Variants in NEO1 observed in about 807,000 individuals in gnomAD.
NEO1 encodes neogenin 1, also known as neogenin.
Under a neutral mutation model 159.7 loss-of-function variants are expected in NEO1, and 63 were observed. The ratio of observed to expected loss-of-function variants is 0.39; its 90% CI spans 0.32 to 0.49. The LOEUF is 0.49. Ranked by LOEUF, NEO1 falls within the 20% of genes least tolerant of loss-of-function variation. NEO1 has a pLI of 0.85. For synonymous variants in NEO1, 633 were observed against 662.0 expected (o/e 0.96, Z 0.67); for missense variants, 1,615 against 1,831.0 (o/e 0.88, Z 2.15).
chr15:73,207,984 T>C (rs1434959862), intron 7 of NEO1, among the ~76,000 whole-genome samples: 2 of 152,230 alleles, frequency 1.3e-5, no homozygotes. Context: ...TAAAGATATC[T>C]GAATATGTAT....
At chr15:73,057,981 A>C (rs961176265) in intron 1 of NEO1, among the ~76,000 whole-genome samples, 1 of 152,216 alleles carries the variant, frequency 6.6e-6, no homozygotes, top group African/African-American at 2.4e-5. Context: ...ACCCATAAGT[A>C]ACCCCTTTTA....
At chr15:73,106,707 C>T (rs1186226519) in intron 1 of NEO1, among the ~76,000 whole-genome samples, 1 of 152,144 alleles carries the variant, frequency 6.6e-6, no homozygotes, top group East Asian at 1.9e-4. Flanking sequence ...TGGGCAAATT[C>T]TTCATTCTCT....
rs2042719865 is a variant in NEO1, at chr15:73,304,564, G to A, written c.*1868G>A. On this transcript the variant is annotated 3_prime_UTR_variant, in exon 29 of 29. Coordinates refer to ENST00000261908, the MANE Select transcript of NEO1 (RefSeq NM_002499.4). ...GGGGGCAATGAAAGGTGCAATGCAG[G>A]AACTGCTGCTGCCGAGCTCGCTGGT... 6.6e-6 allele frequency: 1 copy of A among 152,230 alleles called. No individual in the cohort carries two copies. Among genetic ancestry groups the A allele is most frequent in the Non-Finnish European group, 1.5e-5 (1 of 68,066 alleles). The allele number at this position is 152,230 out of a possible 1,614,324, so 9.4% of individuals were successfully genotyped here. A position where few individuals can be genotyped will look rare whatever the true frequency, so the allele number is the denominator to read the frequency against.
intron 27 of NEO1, chr15:73,300,081 G>A (rs1009904855): frequency 1.3e-5 from 2 of 152,122 alleles, no homozygotes; most frequent in Admixed American, 6.5e-5. Flanking sequence ...ATCACACATC[G>A]GTCATTTAGA....
intron 23 of NEO1, among the ~76,000 whole-genome samples, chr15:73,286,913 G>A (rs2041968441): frequency 6.6e-6 from 1 of 152,124 alleles, no homozygotes; most frequent in South Asian, 2.1e-4. Flanking sequence ...TAGCATCCTA[G>A]CTGGTCTCCT....
chr15:73,170,993 A>G (rs2034922956), intron 5 of NEO1, among the ~76,000 whole-genome samples: 1 of 151,240 alleles, frequency 6.6e-6, no homozygotes, highest in South Asian at 2.2e-4. Context: ...CCTATGAAGT[A>G]GTCTCGGGGG....
chr15:73,138,764 AAAAAAAACAAAAAAAC>A (rs1249526230), intron 5 of NEO1, among the ~76,000 whole-genome samples: 2 of 133,224 alleles, frequency 1.5e-5, no homozygotes, highest in Non-Finnish European at 3.5e-5. Context: ...TCAAAAAAAA[AAAAAAAACAAAAAAAC>A]AAAAAAACAA....
At chr15:73,150,999 T>G (rs1159934376) in intron 5 of NEO1, among the ~76,000 whole-genome samples, 1 of 152,136 alleles carries the variant, frequency 6.6e-6, no homozygotes, top group Non-Finnish European at 1.5e-5. Context: ...TGTTAATGAG[T>G]AGTATTTCTG....
At chr15:73,302,464 T>G (rs1163613765) in intron 28 of NEO1, 149 bp from the exon 29 acceptor site, 2 of 637,070 alleles carry the variant, frequency 3.1e-6, no homozygotes, top group Non-Finnish European at 2.7e-6. Flanking sequence ...CCTGCTACTT[T>G]CCACTCTTCT....
At chr15:73,070,966 T>C (rs2068502080) in intron 1 of NEO1, among the ~76,000 whole-genome samples, 1 of 152,160 alleles carries the variant, frequency 6.6e-6, no homozygotes, top group South Asian at 2.1e-4. Flanking sequence ...AAGTGATTCT[T>C]TTTAAAAATA....
chr15:73,173,762 C>A (rs771500091), intron 5 of NEO1, among the ~76,000 whole-genome samples: 1 of 151,812 alleles, frequency 6.6e-6, no homozygotes, highest in Non-Finnish European at 1.5e-5. Flanking sequence ...CAGTTAGGAG[C>A]CAGAAACTAT....
At chr15:73,293,295 G>A in intron 25 of NEO1, 95 bp from the exon 26 acceptor site, 1 of 1,449,554 alleles carries the variant, frequency 6.9e-7, no homozygotes, top group Non-Finnish European at 9.6e-7. Flanking sequence ...GGATTGTATG[G>A]GAGGTGGGAA....
intron 1 of NEO1, among the ~76,000 whole-genome samples, chr15:73,057,392 A>G (rs545761232): frequency 6.6e-6 from 1 of 152,176 alleles, no homozygotes; most frequent in East Asian, 1.9e-4. Context: ...ACTTTATTTT[A>G]TTAGTGACTT....
intron 1 of NEO1, among the ~76,000 whole-genome samples, chr15:73,056,062 C>G (rs749804443): frequency 2.6e-5 from 4 of 152,170 alleles, no homozygotes; most frequent in Non-Finnish European, 5.9e-5. Context: ...TGCCACTCTC[C>G]TACTTAAAAT....
chr15:73,254,773 A>C lies in NEO1; in HGVS notation c.2036A>C (p.Lys679Thr). 1 of 1,614,162 alleles carries C rather than the reference A, an allele frequency of 6.2e-7. No individual in the cohort carries two copies. Among genetic ancestry groups the C allele is most frequent in the African/African-American group, 1.3e-5 (1 of 75,058 alleles). The change falls in exon 13 of 29, where the codon AAG becomes ACG. Residue 679 changes from lysine (K) to threonine (T), a missense_variant. By Grantham distance (78) the Lys-to-Thr change is moderately conservative (BLOSUM62 -1). Transcript: ENST00000261908. Reference sequence around the variant, plus strand: ...ATTCGCTACCGAAAGGCCTCCCGAAAGAGTGATGTCACTGAGACCTTGGTA... The same window carrying C: ...ATTCGCTACCGAAAGGCCTCCCGAACGAGTGATGTCACTGAGACCTTGGTA... ...YKIRYRKASR[K>T]SDVTETLVSG...
At chr15:73,134,006 A>G (rs531230175) in intron 4 of NEO1, among the ~76,000 whole-genome samples, 1 of 152,316 alleles carries the variant, frequency 6.6e-6, no homozygotes, top group African/African-American at 2.4e-5. Flanking sequence ...GTTTCAAATT[A>G]TGTTCATCTC....
chr15:73,267,383 A>C (rs914089021), intron 16 of NEO1, among the ~76,000 whole-genome samples: 9 of 152,166 alleles, frequency 5.9e-5, no homozygotes, highest in Non-Finnish European at 7.4e-5. Flanking sequence ...TAGAGTTATA[A>C]ATTTTTTTTC....
chr15:73,223,974 G>T (rs1197000081), intron 7 of NEO1, among the ~76,000 whole-genome samples: 3 of 152,104 alleles, frequency 2.0e-5, no homozygotes, highest in African/African-American at 2.4e-5. Flanking sequence ...TCCTTTTAGC[G>T]GTCTCGTAGA....
At chr15:73,058,020 G>C (rs1269351810) in intron 1 of NEO1, among the ~76,000 whole-genome samples, 2 of 152,120 alleles carry the variant, frequency 1.3e-5, no homozygotes, top group Non-Finnish European at 2.9e-5. Flanking sequence ...GCATATGTGT[G>C]TATGGTTTTA....
Sources: allele counts gnomAD v4.1 joint callset (sites outside exome capture counted in the v4.1 genomes callset), GRCh38; gene constraint gnomAD v4.1.1; transcripts MANE v1.5; gene names NCBI Gene and HGNC (gene_info 2026-07-23, HGNC 2026-07-21).